Variants in CELSR1 observed in about 807,000 individuals in gnomAD.
CELSR1 encodes cadherin EGF LAG seven-pass G-type receptor 1.
In CELSR1, 110 loss-of-function variants were observed where a neutral mutation model predicts 249.1. The observed-to-expected ratio is 0.44, with a 90% CI of 0.38 to 0.52. CELSR1 has a LOEUF of 0.52. CELSR1 is among the 20% of genes least tolerant of loss of function. CELSR1 has a pLI of 0.00. For synonymous variants in CELSR1, 2,113 were observed against 1,900.0 expected, an observed-to-expected ratio of 1.11 and a Z score of -2.92; for missense variants, 4,109 against 4,296.4, an observed-to-expected ratio of 0.96 and a Z score of 1.22.
chr22:46,440,291 G>C lies in CELSR1; in HGVS notation c.4184-880C>G, dbSNP rs901625403. Among the ~76,000 whole-genome samples, 1 of 152,116 alleles carries C rather than the reference G, an allele frequency of 6.6e-6. No individual in the cohort carries two copies. Among genetic ancestry groups the C allele is most frequent in the Non-Finnish European group, 1.5e-5 (1 of 68,024 alleles). Reference sequence around the variant, plus strand: ...TGTGGCTGGTGACACTCCCGCCCCCGGACAGGGATGGTGAGCCGCAATCTG... The same window carrying C: ...TGTGGCTGGTGACACTCCCGCCCCCCGACAGGGATGGTGAGCCGCAATCTG... On this transcript the variant is annotated intron_variant, in intron 2 of 34. Coordinates refer to ENST00000674500, the MANE Select transcript of CELSR1 (RefSeq NM_001378328.1). This position sits in a 1 kb window ranked among gnomAD's most constrained non-coding sequence, Gnocchi z 4.7.
chr22:46,389,859 G>A (rs1359532382), intron 17 of CELSR1, among the ~76,000 whole-genome samples: 1 of 151,822 alleles, frequency 6.6e-6, no homozygotes, highest in Non-Finnish European at 1.5e-5. Flanking sequence ...GGAGGCTGAG[G>A]CAGAATCGCT....
At chr22:46,501,824 G>A (rs1301383366) in intron 1 of CELSR1, among the ~76,000 whole-genome samples, 1 of 152,180 alleles carries the variant, frequency 6.6e-6, no homozygotes, top group Non-Finnish European at 1.5e-5. Context: ...TCCCCCGCTG[G>A]CACAGTCATG....
At position 46,447,849 on chromosome 22, in the gene CELSR1, A is replaced by C. The variant is rs1285151383; in HGVS notation, c.4184-8438T>G. Among the ~76,000 whole-genome samples the C allele has an allele frequency of 6.6e-6, 1 of 152,064 alleles. No individual in the cohort carries two copies. The highest frequency in any genetic ancestry group is 1.5e-5 in the Non-Finnish European group (1 of 68,018). On this transcript the variant is annotated intron_variant, in intron 2 of 34. Coordinates refer to ENST00000674500, the MANE Select transcript of CELSR1 (RefSeq NM_001378328.1). The surrounding 1 kb of genome is among the most constrained non-coding windows in gnomAD (Gnocchi z 4.7). ...TGGCCAGGCTGGTCTCGAACTCCTG[A>C]CCTCAGGTGATCTGCTCGCCTTAGC... is the stretch of plus-strand genomic sequence containing the variant.
In CELSR1 at chr22:46,437,734, C is replaced by A. The variant is rs1240710680; in HGVS notation, c.4407-1445G>T. Among the ~76,000 whole-genome samples, 15 of 144,364 alleles carry A rather than the reference C, an allele frequency of 1.0e-4. No individual in the cohort carries two copies. The highest frequency in any genetic ancestry group is 3.8e-4 in the African/African-American group (14 of 37,306). The allele number at this position is 144,364 out of a possible 152,430, so 94.7% of individuals were successfully genotyped here. ...CCACCACTGCACTCCAGCCTGGCAA[C>A]AAAGCAAGACTCCGTCTCAAAAAAA... On this transcript the variant is annotated intron_variant, in intron 3 of 34. Coordinates refer to ENST00000674500, the MANE Select transcript of CELSR1 (RefSeq NM_001378328.1). The surrounding 1 kb of genome is among the most constrained non-coding windows in gnomAD (Gnocchi z 4.9).
intron 1 of CELSR1, among the ~76,000 whole-genome samples, chr22:46,491,081 C>T (rs1426973234): frequency 2.0e-5 from 3 of 152,010 alleles, no homozygotes; most frequent in South Asian, 2.1e-4. Flanking sequence ...TTCTCCACCC[C>T]GGGCCCTTGG....
rs1229432672 is a variant in CELSR1 at position 46,463,813 on chromosome 22, G to A, written c.4077C>T (p.Tyr1359=). The A allele has an allele frequency of 5.6e-6, 9 of 1,610,452 alleles. No individual in the cohort carries two copies. The highest frequency in any genetic ancestry group is 7.6e-6 in the Non-Finnish European group (9 of 1,178,404). Residue 1359 remains tyrosine, a synonymous_variant, in exon 2 of 35, where the codon TAC becomes TAT. Coordinates refer to ENST00000674500, the MANE Select transcript of CELSR1 (RefSeq NM_001378328.1). ...AGCAGAGGTCGATCTCCGTCTCGCA[G>A]TAGTCGCCGGTGAAGCCGGGCGGGC... ...CRCPPGFTGD[Y]CETEIDLCYS... is the part of the protein sequence containing the mutation.
At chr22:46,467,759 T>G (rs573705650) in intron 1 of CELSR1, among the ~76,000 whole-genome samples, 7 of 151,996 alleles carry the variant, frequency 4.6e-5, no homozygotes, top group African/African-American at 1.2e-4. Flanking sequence ...GAGGCAGAGC[T>G]TGCAGTGAGC....
chr22:46,424,671 C>G (rs561051392), intron 5 of CELSR1, among the ~76,000 whole-genome samples: 1 of 152,130 alleles, frequency 6.6e-6, no homozygotes, highest in African/African-American at 2.4e-5. Context: ...GTTATTCTGT[C>G]GTATTAAGAA....
intron 1 of CELSR1, among the ~76,000 whole-genome samples, chr22:46,483,385 CTTTT>C (rs10647586): frequency 2.5e-5 from 2 of 81,206 alleles, no homozygotes; most frequent in Admixed American, 1.7e-4. Context: ...CTATTCCTGA[CTTTT>C]TTTTTTTTTT....
chr22:46,391,570 C>A lies in CELSR1; in HGVS notation c.6148+63G>T. The stretch of plus-strand genomic sequence containing the variant: ...CACCCAGCGTGCATGCACACACGTG[C>A]ACGCCAGTGCAGCAGCCTGTCCCCG... On this transcript the variant is annotated intron_variant, in intron 15 of 34. Coordinates refer to ENST00000674500, the MANE Select transcript of CELSR1 (RefSeq NM_001378328.1). The surrounding 1 kb of genome is among the most constrained non-coding windows in gnomAD (Gnocchi z 4.3). 6.7e-7 allele frequency: 1 copy of A among 1,484,026 alleles called. No homozygotes were observed. The highest frequency in any genetic ancestry group is 1.4e-5 in the South Asian group (1 of 73,094). 91.9% of individuals were successfully genotyped at this position (1,484,026 alleles called of 1,614,324 possible).
chr22:46,386,299 AG>A, intron 19 of CELSR1, 102 bp downstream of exon 19: 13 of 1,290,998 alleles, frequency 1.0e-5, no homozygotes, highest in South Asian at 1.7e-5. Context: ...AGCATGGCCA[AG>A]GGGGGGCCGG....
At chr22:46,497,519 T>C (rs2147719526) in intron 1 of CELSR1, among the ~76,000 whole-genome samples, 1 of 152,348 alleles carries the variant, frequency 6.6e-6, no homozygotes. Flanking sequence ...TACATCATCC[T>C]ACTCTCTGGT....
chr22:46,371,047 C>T (rs2078845918), intron 25 of CELSR1, among the ~76,000 whole-genome samples: 1 of 152,230 alleles, frequency 6.6e-6, no homozygotes, highest in South Asian at 2.1e-4. Flanking sequence ...TTCTTCATCT[C>T]AGCGTCTCTC....
In CELSR1 at chr22:46,386,564, C is replaced by T. The variant is rs145197157; in HGVS notation, c.6577G>A (p.Ala2193Thr). The change falls in exon 19 of 35, where the codon GCC becomes ACC. Residue 2193 changes from alanine to threonine, a missense_variant. Ala to Thr is a moderately conservative substitution (Grantham distance 58, BLOSUM62 0). Coordinates refer to ENST00000674500, the MANE Select transcript of CELSR1 (RefSeq NM_001378328.1). ...GCCCTGGTGGCTGGGGCCAGGAGGG[C>T]GCTGCCCGAGTGGATGACGTCCTGG... The part of the protein sequence containing the change: ...FHEDVIHSGS[A>T]LLAPATRAAW... The T allele has an allele frequency of 2.7e-4, 423 of 1,596,154 alleles. 1 individual carries two copies. In the African/African-American group the frequency reaches 3.6e-3, roughly 13 times the overall value.
rs1436453469 is a variant in CELSR1 at position 46,434,396 on chromosome 22, G to A, written c.4523-915C>T. On this transcript the variant is annotated intron_variant, in intron 4 of 34. Coordinates refer to ENST00000674500, the MANE Select transcript of CELSR1 (RefSeq NM_001378328.1). This position sits in a 1 kb window ranked among gnomAD's most constrained non-coding sequence, Gnocchi z 4.9. Reference sequence around the variant, plus strand: ...ACAGGTGCGGTGGGTACCAGGTCCCGGGCAGAGAATACCGTCTCCAGGGAA... The same window carrying A: ...ACAGGTGCGGTGGGTACCAGGTCCCAGGCAGAGAATACCGTCTCCAGGGAA... 6.6e-6 allele frequency among the ~76,000 whole-genome samples: 1 copy of A among 152,244 alleles called. No individual in the cohort carries two copies. The highest frequency in any genetic ancestry group is 1.9e-4 in the East Asian group (1 of 5,180).
rs1393685065 is a variant in CELSR1 at position 46,534,516 on chromosome 22, G to A, written c.2655C>T (p.Ala885=). 1.2e-6 allele frequency: 2 copies of A among 1,613,336 alleles called. No individual in the cohort carries two copies. Among genetic ancestry groups the A allele is most frequent in the Admixed American group, 1.7e-5 (1 of 59,992 alleles). ...ACAGGAACTGGGGTGCATTGTCATT[G>A]GCATCGAGGATGAGGATCTCTAGGG... ...TTTLEILILD[A]NDNAPQFLWD... Residue 885 remains alanine (A), a synonymous_variant, in exon 1 of 35, where the codon GCC becomes GCT. Coordinates refer to ENST00000674500, the MANE Select transcript of CELSR1 (RefSeq NM_001378328.1). This position sits in a 1 kb window ranked among gnomAD's most constrained non-coding sequence, Gnocchi z 9.7.
Position 46,423,745 on chromosome 22 carries a change from T to G in CELSR1, c.4611+9648A>C, listed in dbSNP as rs182493591. Among the ~76,000 whole-genome samples the G allele has an allele frequency of 0.03, 4,579 of 151,624 alleles. 185 individuals are homozygous for G. The highest frequency in any genetic ancestry group is 0.1 in the African/African-American group (4,117 of 41,298). On this transcript the variant is annotated intron_variant, in intron 5 of 34. Coordinates refer to ENST00000674500, the MANE Select transcript of CELSR1 (RefSeq NM_001378328.1). This position sits in a 1 kb window ranked among gnomAD's most constrained non-coding sequence, Gnocchi z 5.6. Reference sequence around the variant, plus strand: ...CCAGCACTTTGGGAGGCTGAGGCAGTTGGATCACCTGAGGTCAGGAGTTCG... The same window carrying G: ...CCAGCACTTTGGGAGGCTGAGGCAGGTGGATCACCTGAGGTCAGGAGTTCG...
At chr22:46,421,860 G>C (rs541750426) in intron 5 of CELSR1, among the ~76,000 whole-genome samples, 4 of 152,238 alleles carry the variant, frequency 2.6e-5, no homozygotes, top group African/African-American at 9.6e-5. Context: ...GGAAGCTCAC[G>C]AAGGGCGTGA....
At chr22:46,375,493 T>A (rs2078908965) in intron 24 of CELSR1, among the ~76,000 whole-genome samples, 1 of 151,612 alleles carries the variant, frequency 6.6e-6, no homozygotes, top group Non-Finnish European at 1.5e-5. Flanking sequence ...CTGCGCATTA[T>A]CAGACTGCTC....
Sources: gnomAD v4.1 joint callset for allele counts (sites outside exome capture counted in the v4.1 genomes callset) on GRCh38, gnomAD v4.1.1 for gene constraint, Gnocchi (gnomAD v3.1) non-coding constraint, MANE v1.5 for transcripts, NCBI Gene and HGNC (gene_info 2026-07-23, HGNC 2026-07-21) for gene names.